Variants in PSD3 observed in about 807,000 individuals in gnomAD.
The protein encoded by PSD3 is PH and SEC7 domain-containing protein 3.
Under a neutral mutation model 105.5 loss-of-function variants are expected in PSD3, and 49 were observed. The observed-to-expected ratio is 0.46, with a 90% CI of 0.37 to 0.59. The LOEUF (loss-of-function observed/expected upper bound fraction) is 0.59. PSD3 is among the 20% of genes least tolerant of loss of function. The probability of loss-of-function intolerance (pLI) is 0.00; values close to 1 mark genes in which losing one functional copy is unlikely to be tolerated. For synonymous variants in PSD3, 557 were observed against 457.8 expected, an observed-to-expected ratio of 1.22 and a Z score of -2.77; for missense variants, 1,561 against 1,263.8, an observed-to-expected ratio of 1.24 and a Z score of -3.57.
intron 9 of PSD3, among the ~76,000 whole-genome samples, chr8:18,732,513 C>A (rs1279663375): frequency 2.0e-5 from 3 of 152,228 alleles, no homozygotes; most frequent in Non-Finnish European, 2.9e-5. Context: ...TGACCTGGGG[C>A]TGGAGGATCC....
chr8:18,870,953 G>A (rs929072576), intron 3 of PSD3, among the ~76,000 whole-genome samples: 1 of 152,136 alleles, frequency 6.6e-6, no homozygotes, highest in African/African-American at 2.4e-5. Context: ...ACAAAAGTTG[G>A]CCAGGTGTGG....
chr8:18,558,130 G>C (rs562677306), intron 14 of PSD3, among the ~76,000 whole-genome samples: 6 of 152,170 alleles, frequency 3.9e-5, no homozygotes, highest in African/African-American at 1.4e-4. Flanking sequence ...AGAACTGTGA[G>C]AAAATAGATG....
chr8:18,651,104 T>C (rs1347285421), intron 10 of PSD3, among the ~76,000 whole-genome samples: 1 of 152,204 alleles, frequency 6.6e-6, no homozygotes, highest in African/African-American at 2.4e-5. Flanking sequence ...TATACATATA[T>C]TCAAAAGAGA....
intron 4 of PSD3, among the ~76,000 whole-genome samples, chr8:18,862,486 G>C (rs928867920): frequency 3.9e-5 from 6 of 151,952 alleles, no homozygotes; most frequent in Admixed American, 6.6e-5. Flanking sequence ...TAAAAGAAAA[G>C]GATTAAAGAG....
chr8:19,033,790 A>G lies in PSD3; in HGVS notation c.324+50416T>C, dbSNP rs1827850883. On this transcript the variant is annotated intron_variant, in intron 1 of 1. Coordinates refer to the PSD3 transcript ENST00000521475. ...ACACCACAGCCCCACAAACAACTCTATAACTGTATGGATTTTAGTGGTTTC... is the reference window on the plus strand; with the variant it reads ...ACACCACAGCCCCACAAACAACTCTGTAACTGTATGGATTTTAGTGGTTTC... 5.3e-5 allele frequency among the ~76,000 whole-genome samples: 8 copies of G among 152,106 alleles called. No individual in the cohort carries two copies. In the South Asian group the frequency reaches 1.7e-3, roughly 32 times the overall value.
At chr8:18,951,452 A>C (rs1218395905) in intron 1 of PSD3, among the ~76,000 whole-genome samples, 1 of 152,198 alleles carries the variant, frequency 6.6e-6, no homozygotes, top group Non-Finnish European at 1.5e-5. Context: ...AGGGCAGTGG[A>C]AAGCAAGGAA....
chr8:18,804,069 C>A (rs540291414), intron 6 of PSD3, among the ~76,000 whole-genome samples: 2 of 152,280 alleles, frequency 1.3e-5, no homozygotes, highest in South Asian at 4.1e-4. Flanking sequence ...TGTAGACTAT[C>A]AATTCATGTG....
intron 10 of PSD3, among the ~76,000 whole-genome samples, chr8:18,644,631 T>C (rs1273468414): frequency 6.6e-6 from 1 of 152,198 alleles, no homozygotes; most frequent in Non-Finnish European, 1.5e-5. Flanking sequence ...TGTCTTCTCC[T>C]GAGCCCTCAC....
chr8:18,715,844 T>C (rs932776961), intron 9 of PSD3, among the ~76,000 whole-genome samples: 4 of 152,194 alleles, frequency 2.6e-5, no homozygotes, highest in Non-Finnish European at 5.9e-5. Flanking sequence ...CCAACGCATA[T>C]TTACTGAGTC....
At chr8:18,572,142 A>G (rs1017300526) in intron 14 of PSD3, among the ~76,000 whole-genome samples, 1 of 152,210 alleles carries the variant, frequency 6.6e-6, no homozygotes, top group African/African-American at 2.4e-5. Flanking sequence ...TTGTATTTCT[A>G]GCACTAAACA....
At chr8:18,708,072 G>A (rs1017604587) in intron 9 of PSD3, among the ~76,000 whole-genome samples, 2 of 152,096 alleles carry the variant, frequency 1.3e-5, no homozygotes, top group African/African-American at 2.4e-5. Context: ...TCACAATCTC[G>A]GCAGAGGTAC....
chr8:18,815,986 G>A (rs1000523972), intron 4 of PSD3, among the ~76,000 whole-genome samples: 10 of 152,120 alleles, frequency 6.6e-5, no homozygotes, highest in African/African-American at 2.4e-4. Context: ...AATACAAGGA[G>A]TAAGACCCTC....
chr8:18,988,604 C>T (rs979422376), intron 1 of PSD3, among the ~76,000 whole-genome samples: 1 of 135,414 alleles, frequency 7.4e-6, no homozygotes, highest in Non-Finnish European at 1.7e-5. Context: ...GCTCACCCAA[C>T]CCCCAATGCC....
At chr8:18,625,059 A>G (rs1052052862) in intron 11 of PSD3, among the ~76,000 whole-genome samples, 1 of 152,028 alleles carries the variant, frequency 6.6e-6, no homozygotes, top group African/African-American at 2.4e-5. Context: ...TTAAGAATTC[A>G]CTTTCTACCC....
At chr8:18,636,529 C>T (rs1258668886) in intron 10 of PSD3, among the ~76,000 whole-genome samples, 1 of 152,166 alleles carries the variant, frequency 6.6e-6, no homozygotes, top group East Asian at 1.9e-4. Flanking sequence ...AGAAAGTCTA[C>T]AGTACTGTGT....
In PSD3 at chr8:18,871,706, C is replaced by G; in HGVS notation, c.1158G>C (p.Glu386Asp). Residue 386 changes from glutamate (E) to aspartate (D), a missense_variant, in exon 3 of 16, where the codon GAG becomes GAC. Coordinates refer to ENST00000327040, the MANE Select transcript of PSD3 (RefSeq NM_015310.4). ...GTAGGAAGACTTCATCCTCTCCACT[C>G]TCATCAAGACGCACAGGGGAAAATG... ...SGTFSPVRLD[E>D]SGEDEVFLQE... 2 of 1,614,194 alleles carry G rather than the reference C, an allele frequency of 1.2e-6. No homozygotes were observed. Among genetic ancestry groups the G allele is most frequent in the South Asian group, 2.2e-5 (2 of 91,080 alleles).
intron 10 of PSD3, among the ~76,000 whole-genome samples, chr8:18,642,511 A>G (rs1195812507): frequency 6.6e-6 from 1 of 152,194 alleles, no homozygotes; most frequent in East Asian, 1.9e-4. Flanking sequence ...TATAGAGGAT[A>G]TAAGATTCTC....
At position 18,575,284 on chromosome 8, in the gene PSD3, T is replaced by C; in HGVS notation, c.2483A>G (p.Asp828Gly). 6.3e-7 allele frequency: 1 copy of C among 1,588,678 alleles called. No individual in the cohort carries two copies. The highest frequency in any genetic ancestry group is 8.6e-7 in the Non-Finnish European group (1 of 1,168,064). Residue 828 changes from aspartate (D) to glycine (G), a missense_variant and splice_region_variant, in exon 13 of 16, where the codon GAT becomes GGT. Asp to Gly is a moderately conservative substitution (Grantham distance 94). Transcript: ENST00000327040. ...LKGTVLYLQK[D>G]EYKPEKALSE... is the part of the protein sequence containing the mutation. Reference sequence around the variant, plus strand: ...CAAGGCCTTTTCTGGCTTGTATTCATCCTATAGATGGACACAAAGAAAATA... The same window carrying C: ...CAAGGCCTTTTCTGGCTTGTATTCACCCTATAGATGGACACAAAGAAAATA...
rs149509019 is a variant in PSD3, at chr8:18,566,991, A to T, written c.2784+5537T>A. On this transcript the variant is annotated intron_variant, in intron 14 of 15. Transcript: ENST00000327040. Reference sequence around the variant, plus strand: ...TTTCACGTACATATCACTTACTAGTATACAGTCCCTAAATAGGAAAGCAGT... The same window carrying T: ...TTTCACGTACATATCACTTACTAGTTTACAGTCCCTAAATAGGAAAGCAGT... 1.4e-3 allele frequency among the ~76,000 whole-genome samples: 212 copies of T among 152,340 alleles called. 1 individual carries two copies. Among genetic ancestry groups the T allele is most frequent in the African/African-American group, 4.9e-3 (202 of 41,590 alleles).
Sources: gnomAD v4.1 joint callset for allele counts (sites outside exome capture counted in the v4.1 genomes callset) on GRCh38, gnomAD v4.1.1 for gene constraint, MANE v1.5 for transcripts, NCBI Gene and HGNC (gene_info 2026-07-23, HGNC 2026-07-21) for gene names.